The following SYT1 variants were observed in gnomAD, a reference collection of about 807,000 sequenced individuals.
The protein encoded by SYT1 is synaptotagmin 1.
SYT1 carries 8 observed loss-of-function variants against 44.8 expected under a neutral mutation model. The observed-to-expected ratio is 0.18, with a 90% CI of 0.10 to 0.32. The LOEUF is 0.32. Among genes scored for constraint, SYT1 ranks in the 10% least tolerant of loss-of-function variants. SYT1 has a pLI of 1.00. For synonymous variants in SYT1, 154 were observed against 188.8 expected, an observed-to-expected ratio of 0.82 and a Z score of 1.51; for missense variants, 286 against 509.3, an observed-to-expected ratio of 0.56 and a Z score of 4.22.
At chr12:78,906,969 A>G (rs1317974790) in intron 1 of SYT1, among the ~76,000 whole-genome samples, 1 of 152,146 alleles carries the variant, frequency 6.6e-6, no homozygotes. Context: ...ACCTACTGCT[A>G]TAACTTTTGA....
chr12:78,876,795 A>AATATATTAT (rs1555177057), intron 1 of SYT1, among the ~76,000 whole-genome samples: 6 of 27,164 alleles, frequency 2.2e-4, no homozygotes, highest in African/African-American at 9.1e-4. Context: ...TAATACATAT[A>AATATATTAT]ATATATTATA....
intron 9 of SYT1, chr12:79,419,253 G>A (rs773176276): frequency 1.9e-6 from 1 of 526,162 alleles, no homozygotes; most frequent in South Asian, 1.4e-5. Context: ...AAAATGTGAG[G>A]TGTAGAAAGA....
At chr12:78,997,258 T>C (rs1870440716) in intron 2 of SYT1, among the ~76,000 whole-genome samples, 2 of 152,222 alleles carry the variant, frequency 1.3e-5, no homozygotes, top group South Asian at 4.1e-4. Flanking sequence ...ATCATTGCTA[T>C]AGACAGTGTC....
chr12:78,924,640 TTATATA>T (rs1315737183), intron 1 of SYT1, among the ~76,000 whole-genome samples: 5 of 147,728 alleles, frequency 3.4e-5, no homozygotes, highest in Admixed American at 6.8e-5. Flanking sequence ...TATATATTCT[TTATATA>T]TATAAATATA....
At chr12:79,198,379 TTC>T (rs1048622835) in intron 3 of SYT1, among the ~76,000 whole-genome samples, 1 of 152,196 alleles carries the variant, frequency 6.6e-6, no homozygotes, top group Non-Finnish European at 1.5e-5. Flanking sequence ...ATATTCTAAT[TTC>T]TGTTTTATTA....
intron 8 of SYT1, among the ~76,000 whole-genome samples, chr12:79,319,992 TA>T (rs1258251291): frequency 1.3e-5 from 2 of 152,164 alleles, no homozygotes; most frequent in Non-Finnish European, 2.9e-5. Flanking sequence ...TAATTAGGGG[TA>T]CTTGAATATA....
At chr12:79,271,718 C>T (rs1441613880) in intron 4 of SYT1, among the ~76,000 whole-genome samples, 6 of 152,070 alleles carry the variant, frequency 3.9e-5, no homozygotes, top group African/African-American at 1.4e-4. Context: ...AAAGGAAGAT[C>T]TTTTTTTCAA....
chr12:79,073,793 A>C (rs1486198849), intron 3 of SYT1, among the ~76,000 whole-genome samples: 2 of 152,136 alleles, frequency 1.3e-5, no homozygotes, highest in East Asian at 1.9e-4. Context: ...ACCTCTGTCT[A>C]CCTGACTCTC....
At chr12:79,244,490 G>A (rs989951092) in intron 4 of SYT1, among the ~76,000 whole-genome samples, 3 of 152,126 alleles carry the variant, frequency 2.0e-5, no homozygotes, top group Non-Finnish European at 2.9e-5. Flanking sequence ...AGGATCACTT[G>A]AGGTCAGGAG....
intron 1 of SYT1, among the ~76,000 whole-genome samples, chr12:78,896,755 T>G (rs1049763746): frequency 7.2e-5 from 11 of 151,932 alleles, no homozygotes; most frequent in African/African-American, 2.6e-4. Flanking sequence ...ATCTTCATTT[T>G]AAAAATTATG....
intron 3 of SYT1, among the ~76,000 whole-genome samples, chr12:79,175,752 T>C (rs1871818001): frequency 6.6e-6 from 1 of 152,026 alleles, no homozygotes; most frequent in African/African-American, 2.4e-5. Context: ...AGTTTACCCA[T>C]GTGGAACCAT....
At chr12:78,950,115 G>A (rs1212269338) in intron 1 of SYT1, among the ~76,000 whole-genome samples, 22 of 151,918 alleles carry the variant, frequency 1.4e-4, no homozygotes, top group Admixed American at 1.4e-3. Context: ...TCAGTTTGGT[G>A]TAAATCCCTT....
chr12:78,878,060 G>C (rs1208119358), intron 1 of SYT1, among the ~76,000 whole-genome samples: 1 of 151,806 alleles, frequency 6.6e-6, no homozygotes, highest in East Asian at 1.9e-4. Context: ...ATTCACGTCA[G>C]TTGGCTACCT....
At chr12:79,172,455 T>C (rs1019681449) in intron 3 of SYT1, among the ~76,000 whole-genome samples, 8 of 152,040 alleles carry the variant, frequency 5.3e-5, no homozygotes, top group Non-Finnish European at 8.8e-5. Flanking sequence ...TTATTGTCTA[T>C]TTAAAGACAG....
At chr12:79,251,589 G>A (rs1406156896) in intron 4 of SYT1, among the ~76,000 whole-genome samples, 1 of 152,120 alleles carries the variant, frequency 6.6e-6, no homozygotes, top group Non-Finnish European at 1.5e-5. Context: ...TGTAGTCATC[G>A]CCTGAATGCA....
At chr12:79,353,987 A>G (rs375411141) in intron 9 of SYT1, among the ~76,000 whole-genome samples, 4 of 152,208 alleles carry the variant, frequency 2.6e-5, no homozygotes, top group Admixed American at 2.0e-4. Flanking sequence ...ATAAAAAACA[A>G]TGTTTTCCAT....
intron 1 of SYT1, among the ~76,000 whole-genome samples, chr12:78,877,093 G>C (rs528972180): frequency 1.5e-4 from 22 of 149,540 alleles, no homozygotes; most frequent in Non-Finnish European, 2.7e-4. Context: ...TTGAATGAGT[G>C]TATTAGTCTG....
intron 3 of SYT1, among the ~76,000 whole-genome samples, chr12:79,140,048 T>C (rs987435711): frequency 6.6e-6 from 1 of 152,222 alleles, no homozygotes; most frequent in Non-Finnish European, 1.5e-5. Flanking sequence ...AGGTAGTATA[T>C]GGCCTCCCCT....
At chr12:79,031,333 T>C (rs999016800) in intron 2 of SYT1, among the ~76,000 whole-genome samples, 1 of 151,108 alleles carries the variant, frequency 6.6e-6, no homozygotes, top group Non-Finnish European at 1.5e-5. Context: ...TTTTAAGTAA[T>C]ATTATAAAAT....
Sources: gnomAD v4.1 joint callset for allele counts (sites outside exome capture counted in the v4.1 genomes callset) on GRCh38, gnomAD v4.1.1 for gene constraint, MANE v1.5 for transcripts, NCBI Gene and HGNC (gene_info 2026-07-23, HGNC 2026-07-21) for gene names.